CATSPER1: variants seen among roughly 807,000 people sequenced by gnomAD.
CATSPER1 encodes the protein cation channel sperm-associated protein 1.
Under a neutral mutation model 72.7 loss-of-function variants are expected in CATSPER1, and 57 were observed. The ratio of observed to expected loss-of-function variants is 0.78; its 90% confidence interval spans 0.63 to 0.98. CATSPER1 has a LOEUF of 0.98. Among genes scored for constraint, CATSPER1 ranks in the 50% least tolerant of loss-of-function variants. CATSPER1 has a pLI of 0.00. For missense variants in CATSPER1, 910 were observed against 1,033.9 expected, an observed-to-expected ratio of 0.88 and a Z score of 1.64; for synonymous variants, 363 against 403.0, an observed-to-expected ratio of 0.90 and a Z score of 1.19.
chr11:66,025,018 C>G (rs1031742289), intron 1 of CATSPER1, 146 bp downstream of exon 1: 2 of 922,698 alleles, frequency 2.2e-6, no homozygotes, highest in African/African-American at 3.3e-5. Context: ...GGACCATGAA[C>G]AGTCAGGAGA....
At chr11:66,016,946 G>A (rs756678169) in intron 11 of CATSPER1, 30 bp from the exon 12 acceptor site, 49 of 1,613,940 alleles carry the variant, frequency 3.0e-5, no homozygotes, top group Non-Finnish European at 4.2e-5. Flanking sequence ...ACTGGTGGGT[G>A]AATGAGCCAG....
rs775868375 is a variant in CATSPER1, at chr11:66,025,232, G to T, written c.1148C>A (p.Thr383Asn). Reference protein sequence around the residue: ...RVTQMSKKVHTQDISTKHSED... With the variant: ...RVTQMSKKVHNQDISTKHSED... ...TGAATGTTTGGTGGAGATATCCTGG[G>T]TATGGACTTTTTTGGACATCTGGGT... The change falls in exon 1 of 12, where the codon ACC (threonine) becomes AAC (asparagine). Residue 383 changes from threonine (T) to asparagine (N), a missense_variant. Physicochemically the swap from Thr to Asn is moderately conservative, Grantham distance 65. Coordinates refer to ENST00000312106, the MANE Select transcript of CATSPER1 (RefSeq NM_053054.4). 4.3e-6 allele frequency: 7 copies of T among 1,614,186 alleles called. No individual in the cohort carries two copies. In the South Asian group the frequency reaches 5.5e-5, roughly 13 times the overall value.
chr11:66,018,822 C>T lies in CATSPER1; in HGVS notation c.2201+5G>A. ...CCAGGCCTCGCTCCCTTCCTGTCTC[C>T]TCACTTCTCAGTCATGGTCCCAAAC... On this transcript the variant is annotated splice_donor_5th_base_variant and intron_variant, in intron 10 of 11. Coordinates refer to ENST00000312106, the MANE Select transcript of CATSPER1 (RefSeq NM_053054.4). The T allele has an allele frequency of 1.9e-6, 3 of 1,613,354 alleles. No homozygotes were observed. The highest frequency in any genetic ancestry group is 1.7e-6 in the Non-Finnish European group (2 of 1,179,984).
At chr11:66,017,236 T>G in intron 10 of CATSPER1, 62 bp from the exon 11 acceptor site, 2 of 1,301,316 alleles carry the variant, frequency 1.5e-6, no homozygotes, top group Non-Finnish European at 2.2e-6. Context: ...CTGGGCCTAC[T>G]GCACCCCAGA....
Position 66,026,348 on chromosome 11 carries a change from T to C in CATSPER1, c.32A>G (p.Gln11Arg). 1 of 1,613,962 alleles carries C rather than the reference T, an allele frequency of 6.2e-7. No homozygotes were observed. Among genetic ancestry groups the C allele is most frequent in the Non-Finnish European group, 8.5e-7 (1 of 1,179,926 alleles). The part of the protein sequence containing the change: MDQNSVPEKA[Q>R]NEADTNNADR... ...TGCGTTATTGGTGTCTGCCTCATTCTGAGCCTTTTCAGGCACTGAGTTTTG... is the reference window on the plus strand; with the variant it reads ...TGCGTTATTGGTGTCTGCCTCATTCCGAGCCTTTTCAGGCACTGAGTTTTG... Residue 11 changes from glutamine to arginine, a missense_variant, in exon 1 of 12, where the codon CAG becomes CGG. Transcript: ENST00000312106.
At chr11:66,018,207 CA>C (rs539636076) in intron 10 of CATSPER1, among the ~76,000 whole-genome samples, 507 of 67,678 alleles carry the variant, frequency 7.5e-3, no homozygotes, top group African/African-American at 0.011. Context: ...GACCCTGTCT[CA>C]AAAAAAAAAA....
rs755032035 is a variant in CATSPER1, at chr11:66,026,079, AG to A, written c.300del (p.Ser101LeufsTer234). On this transcript the variant is annotated frameshift_variant, in exon 1 of 12. Coordinates refer to ENST00000312106, the MANE Select transcript of CATSPER1 (RefSeq NM_053054.4). LOFTEE classifies it high-confidence loss of function. Reference sequence around the variant, plus strand: ...CGGTGGGAGGGGACGGCGCCTTGAGAGGGAGCCAGACCAAAGCCTGTGGGGC... The same window carrying A: ...CGGTGGGAGGGGACGGCGCCTTGAGAGGAGCCAGACCAAAGCCTGTGGGGC... The part of the protein sequence containing the change: ...AHGPTGFGLA[P>X]SQGAVPSHRS... The A allele has an allele frequency of 1.4e-5, 22 of 1,613,086 alleles. No homozygotes were observed. Among genetic ancestry groups the A allele is most frequent in the Non-Finnish European group, 1.8e-5 (21 of 1,179,598 alleles).
chr11:66,021,073 G>A (rs1282207206), intron 5 of CATSPER1, 21 bp downstream of exon 5: 1 of 1,603,378 alleles, frequency 6.2e-7, no homozygotes, highest in African/African-American at 1.3e-5. Context: ...CCCCACCCCA[G>A]CCCCTGCAGC....
intron 2 of CATSPER1, 90 bp downstream of exon 2, chr11:66,022,759 T>C: frequency 7.5e-7 from 1 of 1,337,380 alleles, no homozygotes; most frequent in Non-Finnish European, 1.1e-6. Context: ...AGCTGAGTCC[T>C]ATAAACCGCC....
chr11:66,018,805 C>T (rs569831812), intron 10 of CATSPER1, 22 bp downstream of exon 10: 30 of 1,611,856 alleles, frequency 1.9e-5, no homozygotes, highest in South Asian at 1.3e-4. Flanking sequence ...CCCCAGGCCT[C>T]GCTCCCTTCC....
chr11:66,018,172 C>T (rs1045314374), intron 10 of CATSPER1, among the ~76,000 whole-genome samples: 2 of 147,734 alleles, frequency 1.4e-5, no homozygotes, highest in Non-Finnish European at 3.0e-5. Context: ...TGTGCCACTG[C>T]ACTCCAGCCT....
chr11:66,023,617 G>A (rs960717245), intron 1 of CATSPER1, among the ~76,000 whole-genome samples: 1 of 151,722 alleles, frequency 6.6e-6, no homozygotes, highest in Non-Finnish European at 1.5e-5. Flanking sequence ...GGTTGAGGCA[G>A]GCGGATCACT....
rs200751031 is a variant in CATSPER1, at chr11:66,021,227, C to T, written c.1692-42G>A. The T allele has an allele frequency of 3.4e-5, 54 of 1,570,230 alleles. 1 individual carries two copies. The East Asian group carries it at 7.9e-4, about 23-fold the overall frequency. On this transcript the variant is annotated intron_variant, in intron 4 of 11. Coordinates refer to ENST00000312106, the MANE Select transcript of CATSPER1 (RefSeq NM_053054.4). ...TGGGGACTGAGTCATCGGTGAGGGGCGGGGGTGTGTGTCTCTGCCCAGCAG... is the reference window on the plus strand; with the variant it reads ...TGGGGACTGAGTCATCGGTGAGGGGTGGGGGTGTGTGTCTCTGCCCAGCAG...
Position 66,017,193 on chromosome 11 carries a change from G to GGGGGGGGT in CATSPER1, c.2202-20_2202-19insACCCCCCC. On this transcript the variant is annotated intron_variant, in intron 10 of 11. Coordinates refer to ENST00000312106, the MANE Select transcript of CATSPER1 (RefSeq NM_053054.4). ...CTGCTGCCTGCGGGTGGGCGGGGGG[G>GGGGGGGGT]TCGCAGAGACAGGGGCTGGGCTGAC... The GGGGGGGGT allele has an allele frequency of 4.1e-6, 2 of 493,810 alleles. No individual in the cohort carries two copies. The highest frequency in any genetic ancestry group is 2.5e-5 in the Admixed American group (1 of 40,530). 30.6% of individuals were successfully genotyped at this position (493,810 alleles called of 1,614,324 possible). A position where few individuals can be genotyped will look rare whatever the true frequency, so the allele number is the denominator to read the frequency against.
rs1425037921 is a variant in CATSPER1, at chr11:66,021,529, G to A, written c.1658C>T (p.Ala553Val). ...RILKVFKSLR[A>V]LRAIRVLRRL... ...CCGCAGGACCCGGATTGCCCTCAGG[G>A]CCCGCAGGCTCTTGAAGACCTTGAG... The change falls in exon 4 of 12, where the codon GCC becomes GTC. Residue 553 changes from alanine (A) to valine (V), a missense_variant. Coordinates refer to ENST00000312106, the MANE Select transcript of CATSPER1 (RefSeq NM_053054.4). 6.2e-7 allele frequency: 1 copy of A among 1,613,744 alleles called. No individual in the cohort carries two copies. Among genetic ancestry groups the A allele is most frequent in the Non-Finnish European group, 8.5e-7 (1 of 1,180,012 alleles).
intron 4 of CATSPER1, 39 bp from the exon 5 acceptor site, chr11:66,021,224 G>T: frequency 6.3e-7 from 1 of 1,577,276 alleles, no homozygotes; most frequent in South Asian, 1.1e-5. Flanking sequence ...CATCGGTGAG[G>T]GGCGGGGGTG....
chr11:66,026,464 A>G lies in CATSPER1; in HGVS notation c.-85T>C, dbSNP rs1856514674. 6.3e-7 allele frequency: 1 copy of G among 1,598,250 alleles called. No homozygotes were observed. The highest frequency in any genetic ancestry group is 8.5e-7 in the Non-Finnish European group (1 of 1,178,986). The stretch of plus-strand genomic sequence containing the variant: ...CTGGATTTCCCTTCTTTCCTGAGCC[A>G]AGCTCAATGCAGACTGTGGCACTGG... On this transcript the variant is annotated 5_prime_UTR_variant, in exon 1 of 12. Transcript: ENST00000312106.
In CATSPER1 at chr11:66,025,543, A is replaced by G. The variant is rs1856480783; in HGVS notation, c.837T>C (p.His279=). Residue 279 remains histidine, a synonymous_variant, in exon 1 of 12, where the codon CAT becomes CAC. Transcript: ENST00000312106. The part of the protein sequence containing the change: ...QGDHHPSEYH[H]GDHPHHTQHH... ...GCTGTGTGTGGTGGGGATGGTCGCC[A>G]TGGTGGTACTCACTGGGGTGGTGAT... is the stretch of plus-strand genomic sequence containing the variant. The G allele has an allele frequency of 1.2e-6, 2 of 1,601,894 alleles. No homozygotes were observed.
Position 66,020,436 on chromosome 11 carries a change from G to A in CATSPER1, c.1992-47C>T, listed in dbSNP as rs375407431. ...TGCCCTCAGCGAGGAGGCCAGAGGA[G>A]AGGGGCACCCGGTACTTCTTGTGGG... On this transcript the variant is annotated intron_variant, in intron 7 of 11. Coordinates refer to ENST00000312106, the MANE Select transcript of CATSPER1 (RefSeq NM_053054.4). This position sits in a 1 kb window ranked among gnomAD's most constrained non-coding sequence, Gnocchi z 4.5. 1 of 1,611,518 alleles carries A rather than the reference G, an allele frequency of 6.2e-7. No individual in the cohort carries two copies. Among genetic ancestry groups the A allele is most frequent in the African/African-American group, 1.3e-5 (1 of 74,862 alleles).
Sources: allele counts gnomAD v4.1 joint callset (sites outside exome capture counted in the v4.1 genomes callset), GRCh38; gene constraint gnomAD v4.1.1; non-coding constraint Gnocchi (gnomAD v3.1); transcripts MANE v1.5; gene names NCBI Gene and HGNC (gene_info 2026-07-23, HGNC 2026-07-21).